NCAM2: variants seen among roughly 807,000 people sequenced by gnomAD.
The protein encoded by NCAM2 is neural cell adhesion molecule 2.
A neutral mutation model predicts 98.1 loss-of-function variants in NCAM2; 30 were observed. The observed-to-expected ratio is 0.31, with a 90% CI of 0.23 to 0.41. The LOEUF is 0.41. Among genes scored for constraint, NCAM2 ranks in the 10% least tolerant of loss-of-function variants. NCAM2 has a pLI of 1.00. For synonymous variants in NCAM2, 368 were observed against 342.4 expected, an observed-to-expected ratio of 1.07 and a Z score of -0.83; for missense variants, 867 against 1,005.8, an observed-to-expected ratio of 0.86 and a Z score of 1.87.
chr21:21,090,472 T>G (rs1360991535), intron 1 of NCAM2, among the ~76,000 whole-genome samples: 2 of 152,156 alleles, frequency 1.3e-5, no homozygotes, highest in Admixed American at 6.5e-5. Context: ...TAAACAAAAC[T>G]CTTGATGATA....
In NCAM2 at chr21:21,424,288, T is replaced by G. The variant is rs542064673; in HGVS notation, c.1480+5719T>G. On this transcript the variant is annotated intron_variant, in intron 11 of 17. Transcript: ENST00000400546. The stretch of plus-strand genomic sequence containing the variant: ...CATCAATTCCTAATCACTTTTTAAT[T>G]CATTCACTCAAAAAATATAATGAAT... 3.6e-4 allele frequency among the ~76,000 whole-genome samples: 55 copies of G among 152,344 alleles called. 1 individual carries two copies. The South Asian group carries it at 0.011, about 31-fold the overall frequency.
intron 8 of NCAM2, among the ~76,000 whole-genome samples, chr21:21,357,170 G>A (rs535000830): frequency 1.6e-4 from 25 of 152,126 alleles, no homozygotes; most frequent in African/African-American, 6.0e-4. Flanking sequence ...ATACAAGTGG[G>A]CTTTCACAAG....
rs371786261 is a variant in NCAM2 at position 21,314,271 on chromosome 21, A to G, written c.620-10112A>G. Among the ~76,000 whole-genome samples the G allele has an allele frequency of 6.3e-4, 96 of 152,258 alleles. 1 individual carries two copies. In the South Asian group the frequency reaches 0.019, roughly 31 times the overall value. On this transcript the variant is annotated intron_variant, in intron 5 of 17. Transcript: ENST00000400546. ...ATGTCTGAAGGGGATTTTGCTGAAC[A>G]TAGACCTTGCTTTGACAGGTGTGTT...
At chr21:21,408,061 G>T (rs2076778551) in intron 9 of NCAM2, among the ~76,000 whole-genome samples, 1 of 152,140 alleles carries the variant, frequency 6.6e-6, no homozygotes, top group South Asian at 2.1e-4. Flanking sequence ...ATAAATAATT[G>T]TGACTGAGAT....
At chr21:21,116,854 C>T (rs1204824220) in intron 1 of NCAM2, among the ~76,000 whole-genome samples, 1 of 142,448 alleles carries the variant, frequency 7.0e-6, no homozygotes, top group African/African-American at 2.6e-5. Flanking sequence ...GACTCCGTCT[C>T]AAAAGAAAAA....
At chr21:21,439,605 G>A (rs1978943822) in intron 12 of NCAM2, among the ~76,000 whole-genome samples, 1 of 152,020 alleles carries the variant, frequency 6.6e-6, no homozygotes, top group Admixed American at 6.6e-5. Flanking sequence ...CAATATGCCT[G>A]TTCTTGATAG....
chr21:21,482,781 T>TTAA (rs1555905913), intron 15 of NCAM2, among the ~76,000 whole-genome samples: 1 of 151,122 alleles, frequency 6.6e-6, no homozygotes, highest in African/African-American at 2.4e-5. Flanking sequence ...TTTTTCATTT[T>TTAA]TTCTTATTAA....
At chr21:21,089,325 A>G (rs1435628940) in intron 1 of NCAM2, among the ~76,000 whole-genome samples, 1 of 152,196 alleles carries the variant, frequency 6.6e-6, no homozygotes, top group Non-Finnish European at 1.5e-5. Flanking sequence ...TCTCAAAGTT[A>G]TGATGCAATT....
chr21:21,344,005 C>T (rs950513144), intron 8 of NCAM2, among the ~76,000 whole-genome samples: 2 of 152,062 alleles, frequency 1.3e-5, no homozygotes, highest in African/African-American at 4.8e-5. Context: ...TTCTGATTGA[C>T]GAGAGGAAAG....
chr21:21,449,921 T>C (rs918743316), intron 12 of NCAM2, among the ~76,000 whole-genome samples: 4 of 152,138 alleles, frequency 2.6e-5, no homozygotes, highest in African/African-American at 9.7e-5. Flanking sequence ...TTAATTTTTC[T>C]TATTTTTAGC....
At chr21:21,117,313 C>CT (rs11380586) in intron 1 of NCAM2, among the ~76,000 whole-genome samples, 150,218 of 152,276 alleles carry the variant, frequency 0.99, 74,115 homozygotes, top group East Asian at 1. Flanking sequence ...CATACACTAT[C>CT]GGTATATTCA....
intron 1 of NCAM2, among the ~76,000 whole-genome samples, chr21:21,168,911 A>G (rs571416206): frequency 1.1e-3 from 165 of 152,292 alleles, no homozygotes; most frequent in African/African-American, 3.8e-3. Context: ...AAATCTTAGC[A>G]AGTTACTCTG....
intron 1 of NCAM2, among the ~76,000 whole-genome samples, chr21:21,102,198 G>C (rs925414970): frequency 6.6e-6 from 1 of 151,984 alleles, no homozygotes; most frequent in Admixed American, 6.6e-5. Flanking sequence ...AGGTTACTGC[G>C]TCATAGCCTC....
chr21:21,434,295 C>G (rs2077420001), intron 12 of NCAM2, among the ~76,000 whole-genome samples: 1 of 152,090 alleles, frequency 6.6e-6, no homozygotes, highest in Non-Finnish European at 1.5e-5. Context: ...TTTGGTGAGT[C>G]TAGAATATGA....
chr21:21,519,051 T>G (rs561837598), intron 16 of NCAM2, among the ~76,000 whole-genome samples: 5 of 152,186 alleles, frequency 3.3e-5, no homozygotes, highest in African/African-American at 1.2e-4. Context: ...AATGTAAAGA[T>G]TCTAACATGG....
At chr21:21,126,254 A>AAAAAAAAAAAAAAG (rs2066821579) in intron 1 of NCAM2, among the ~76,000 whole-genome samples, 1 of 150,876 alleles carries the variant, frequency 6.6e-6, no homozygotes, top group African/African-American at 2.4e-5. Flanking sequence ...AAAAAAAAAA[A>AAAAAAAAAAAAAAG]AAAATCGCAG....
intron 8 of NCAM2, among the ~76,000 whole-genome samples, chr21:21,339,191 C>G (rs890341111): frequency 2.6e-5 from 4 of 151,944 alleles, no homozygotes; most frequent in Non-Finnish European, 5.9e-5. Flanking sequence ...AATTTAAATT[C>G]AAAAAAGTCT....
chr21:21,043,543 T>G (rs2064946398), intron 1 of NCAM2, among the ~76,000 whole-genome samples: 1 of 151,766 alleles, frequency 6.6e-6, no homozygotes, highest in Admixed American at 6.6e-5. Context: ...AGAAATAATA[T>G]TATATACAAT....
intron 1 of NCAM2, among the ~76,000 whole-genome samples, chr21:21,229,407 T>G (rs1601708064): frequency 6.6e-6 from 1 of 151,552 alleles, no homozygotes; most frequent in Non-Finnish European, 1.5e-5. Flanking sequence ...AAGATGTCAC[T>G]TTAACAACTT....
Sources: gnomAD v4.1 joint callset for allele counts (sites outside exome capture counted in the v4.1 genomes callset) on GRCh38, gnomAD v4.1.1 for gene constraint, MANE v1.5 for transcripts, NCBI Gene and HGNC (gene_info 2026-07-23, HGNC 2026-07-21) for gene names.